Variants in ENPP2 observed in about 807,000 individuals in gnomAD.
ENPP2 encodes the protein autotaxin.
A neutral mutation model predicts 120.2 loss-of-function variants in ENPP2; 51 were observed. The observed-to-expected ratio is 0.42, with a 90% CI of 0.34 to 0.54. ENPP2 has a LOEUF of 0.54. ENPP2 is among the 20% of genes least tolerant of loss of function. ENPP2 has a pLI of 0.04. For synonymous variants in ENPP2, 365 were observed against 366.4 expected, an observed-to-expected ratio of 1.00 and a Z score of 0.04; for missense variants, 920 against 1,066.5, an observed-to-expected ratio of 0.86 and a Z score of 1.91.
chr8:119,611,203 T>C (rs1277709815), intron 8 of ENPP2, among the ~76,000 whole-genome samples: 1 of 152,176 alleles, frequency 6.6e-6, no homozygotes, highest in Non-Finnish European at 1.5e-5. Context: ...AAGGAGAAGT[T>C]TGGAAAAAGA....
At chr8:119,611,617 G>A (rs1051623429) in intron 8 of ENPP2, among the ~76,000 whole-genome samples, 1 of 152,168 alleles carries the variant, frequency 6.6e-6, no homozygotes, top group Non-Finnish European at 1.5e-5. Flanking sequence ...AGTTCCATCC[G>A]AAACACAATA....
chr8:119,643,743 T>C (rs1817349863), upstream of ENPP2, among the ~76,000 whole-genome samples: 1 of 152,136 alleles, frequency 6.6e-6, no homozygotes, highest in South Asian at 2.1e-4. Context: ...AAATGTAAAA[T>C]TACAACTGTG....
chr8:119,583,682 T>C (rs748649436), intron 17 of ENPP2, 35 bp downstream of exon 17: 3 of 1,150,040 alleles, frequency 2.6e-6, no homozygotes, highest in African/African-American at 1.5e-5. Context: ...TAACTAAAGA[T>C]TGTTTCAATG....
intron 1 of ENPP2, among the ~76,000 whole-genome samples, chr8:119,652,881 C>T (rs1817664912): frequency 6.6e-6 from 1 of 152,174 alleles, no homozygotes; most frequent in South Asian, 2.1e-4. Flanking sequence ...TCTGGGACAA[C>T]ATTCTTGAAG....
intron 13 of ENPP2, among the ~76,000 whole-genome samples, chr8:119,589,701 A>AAGG (rs141425657): frequency 0.025 from 3,780 of 152,234 alleles, 160 homozygotes; most frequent in African/African-American, 0.085. Flanking sequence ...TCAGGAACAT[A>AAGG]ATTAGGGAAA....
At chr8:119,586,609 TC>T (rs1813128751) in intron 14 of ENPP2, among the ~76,000 whole-genome samples, 1 of 151,498 alleles carries the variant, frequency 6.6e-6, no homozygotes, top group Admixed American at 6.6e-5. Flanking sequence ...CTTTCCCAAC[TC>T]CTTCAAGTCA....
At chr8:119,634,836 C>G (rs1293533555) in intron 2 of ENPP2, among the ~76,000 whole-genome samples, 8 of 152,150 alleles carry the variant, frequency 5.3e-5, no homozygotes, top group Admixed American at 3.3e-4. Flanking sequence ...AGTATGTAAA[C>G]TAGATAGAGG....
rs768971021 is a variant in ENPP2 at position 119,564,975 on chromosome 8, C to G, written c.2132-20G>C. ...AGACCCCTGTGCAAAGACAAAAATC[C>G]AAAAATCAATTATTCATGAAGAAAA... On this transcript the variant is annotated intron_variant, in intron 22 of 24. Transcript: ENST00000075322. 6.2e-7 allele frequency: 1 copy of G among 1,603,928 alleles called. No individual in the cohort carries two copies. The highest frequency in any genetic ancestry group is 8.5e-7 in the Non-Finnish European group (1 of 1,175,200).
rs1397957626 is a variant in ENPP2, at chr8:119,668,665, G to C, written c.21+4587C>G. On this transcript the variant is annotated intron_variant, in intron 1 of 25. Coordinates refer to the ENPP2 transcript ENST00000427067. ...GATGGTCTCCATCTCTTGACCTTGT[G>C]ATCCACCCGCCTCGGCCTCCCAAAG... Among the ~76,000 whole-genome samples the C allele has an allele frequency of 3.9e-5, 6 of 152,032 alleles. No individual in the cohort carries two copies. The East Asian group carries it at 1.2e-3, about 29-fold the overall frequency.
chr8:119,646,383 T>G (rs1362267468), intron 1 of ENPP2, among the ~76,000 whole-genome samples: 1 of 152,160 alleles, frequency 6.6e-6, no homozygotes, highest in Non-Finnish European at 1.5e-5. Context: ...GAAGTGCAAA[T>G]GCTTGGAGCC....
chr8:119,648,980 C>G (rs1198778467), intron 1 of ENPP2, among the ~76,000 whole-genome samples: 2 of 152,084 alleles, frequency 1.3e-5, no homozygotes, highest in Non-Finnish European at 2.9e-5. Context: ...CCTAATGAAT[C>G]TACCAAAAAT....
chr8:119,633,617 G>A (rs775189254), intron 2 of ENPP2, among the ~76,000 whole-genome samples: 5 of 151,804 alleles, frequency 3.3e-5, no homozygotes, highest in East Asian at 3.9e-4. Context: ...TATATGGTTC[G>A]TTCTTTCTGG....
chr8:119,614,265 C>T (rs965216638), intron 8 of ENPP2, among the ~76,000 whole-genome samples: 1 of 151,914 alleles, frequency 6.6e-6, no homozygotes, highest in East Asian at 1.9e-4. Flanking sequence ...TGGAGTTTCA[C>T]TATGTTGGCC....
intron 19 of ENPP2, among the ~76,000 whole-genome samples, chr8:119,573,547 T>C (rs1474832022): frequency 6.6e-6 from 1 of 152,158 alleles, no homozygotes; most frequent in Non-Finnish European, 1.5e-5. Context: ...GCATAGTGGC[T>C]CACGCCTGTA....
chr8:119,563,044 T>C (rs1422429676), intron 23 of ENPP2, 31 bp from the exon 24 acceptor site: 17 of 1,595,470 alleles, frequency 1.1e-5, no homozygotes, highest in Non-Finnish European at 1.5e-5. Context: ...GAAGTCACAG[T>C]TGATGAGTTG....
chr8:119,592,374 G>A (rs1021742518), intron 12 of ENPP2, among the ~76,000 whole-genome samples: 4 of 149,912 alleles, frequency 2.7e-5, no homozygotes, highest in African/African-American at 9.9e-5. Context: ...TCAGGAGGCT[G>A]AGGCAGGAGA....
intron 3 of ENPP2, among the ~76,000 whole-genome samples, chr8:119,621,872 C>T (rs1815924041): frequency 6.6e-6 from 1 of 152,146 alleles, no homozygotes; most frequent in Admixed American, 6.6e-5. Context: ...TAGGGACAGC[C>T]TCTATAGCTT....
chr8:119,631,285 T>C (rs1169062774), intron 2 of ENPP2, among the ~76,000 whole-genome samples: 1 of 143,518 alleles, frequency 7.0e-6, no homozygotes, highest in African/African-American at 2.7e-5. Context: ...GGCGCAATCT[T>C]GGCTCACTAC....
chr8:119,639,962 C>T (rs1186141113), upstream of ENPP2, among the ~76,000 whole-genome samples: 2 of 152,180 alleles, frequency 1.3e-5, no homozygotes, highest in Non-Finnish European at 2.9e-5. Context: ...CAGTGACCAT[C>T]TTTTCTTCCG....
Sources: allele counts gnomAD v4.1 joint callset (sites outside exome capture counted in the v4.1 genomes callset), GRCh38; gene constraint gnomAD v4.1.1; transcripts MANE v1.5; gene names NCBI Gene and HGNC (gene_info 2026-07-23, HGNC 2026-07-21).